Variants in HCRTR2 observed in about 807,000 individuals in gnomAD.
HCRTR2 encodes the protein orexin receptor type 2.
Under a neutral mutation model 49.0 loss-of-function variants are expected in HCRTR2, and 22 were observed. The observed-to-expected ratio is 0.45, with a 90% CI of 0.32 to 0.64. The LOEUF is 0.64. HCRTR2 is among the 30% of genes least tolerant of loss of function. The pLI is 0.04. For missense variants in HCRTR2, 491 were observed against 559.4 expected (o/e 0.88, Z 1.23); for synonymous variants, 236 against 205.3 (o/e 1.15, Z -1.28).
chr6:55,262,225 A>T (rs1009770796), intron 3 of HCRTR2, among the ~76,000 whole-genome samples: 2 of 151,040 alleles, frequency 1.3e-5, no homozygotes, highest in Non-Finnish European at 2.9e-5. Flanking sequence ...AGATTCATGT[A>T]ACCAAACACC....
chr6:55,123,751 G>A (rs13203126), intron 1 of HCRTR2, among the ~76,000 whole-genome samples: 1,670 of 152,158 alleles, frequency 0.011, 18 homozygotes, highest in South Asian at 0.022. Flanking sequence ...GAATCCATCT[G>A]GTCCTGCACT....
chr6:55,143,448 CA>C (rs927871853), intron 1 of HCRTR2, among the ~76,000 whole-genome samples: 12 of 152,220 alleles, frequency 7.9e-5, no homozygotes, highest in Admixed American at 7.9e-4. Context: ...AAGATTAAAA[CA>C]AAAATCAATT....
At chr6:55,213,905 CAAGGT>C (rs1449695948) in intron 1 of HCRTR2, among the ~76,000 whole-genome samples, 10 of 151,560 alleles carry the variant, frequency 6.6e-5, no homozygotes, top group African/African-American at 2.4e-4. Flanking sequence ...CCTTAACTCT[CAAGGT>C]TTTTTTCCTG....
chr6:55,121,771 T>C (rs909469562), intron 1 of HCRTR2, among the ~76,000 whole-genome samples: 4 of 152,208 alleles, frequency 2.6e-5, no homozygotes, highest in Non-Finnish European at 5.9e-5. Flanking sequence ...GTTTATTGAT[T>C]GGTGTATGTT....
intron 1 of HCRTR2, among the ~76,000 whole-genome samples, chr6:55,229,060 A>T (rs1247631977): frequency 6.6e-6 from 1 of 152,220 alleles, no homozygotes; most frequent in Non-Finnish European, 1.5e-5. Context: ...TGCAAATCAA[A>T]CCACAGAACC....
rs867580948 is a variant in HCRTR2, at chr6:55,248,726, C to T, written c.311C>T (p.Thr104Ile). ...VNLSLADVLV[T>I]ITCLPATLVV... Reference sequence around the variant, plus strand: ...CTTTCTCTGGCTGATGTGCTCGTGACCATCACCTGCCTTCCAGCCACACTG... The same window carrying T: ...CTTTCTCTGGCTGATGTGCTCGTGATCATCACCTGCCTTCCAGCCACACTG... Residue 104 changes from threonine to isoleucine, a missense_variant, in exon 2 of 7, where the codon ACC becomes ATC. Thr to Ile is a moderately conservative substitution (Grantham distance 89). Coordinates refer to ENST00000370862, the MANE Select transcript of HCRTR2 (RefSeq NM_001384272.1). 6.2e-7 allele frequency: 1 copy of T among 1,613,302 alleles called. No homozygotes were observed. Among genetic ancestry groups the T allele is most frequent in the Middle Eastern group, 1.7e-4 (1 of 6,052 alleles).
intron 6 of HCRTR2, among the ~76,000 whole-genome samples, chr6:55,281,583 A>T (rs1323064392): frequency 6.6e-6 from 1 of 152,216 alleles, no homozygotes; most frequent in Non-Finnish European, 1.5e-5. Flanking sequence ...AGAAGAAATG[A>T]TTCGCAATAC....
chr6:55,221,344 A>C (rs966934498), intron 1 of HCRTR2, among the ~76,000 whole-genome samples: 2 of 152,188 alleles, frequency 1.3e-5, no homozygotes, highest in African/African-American at 4.8e-5. Context: ...TGAACTTACA[A>C]ACCAGCATAG....
chr6:55,180,668 A>T (rs1765115922), intron 1 of HCRTR2, among the ~76,000 whole-genome samples: 1 of 152,196 alleles, frequency 6.6e-6, no homozygotes, highest in Non-Finnish European at 1.5e-5. Flanking sequence ...TGAGCCTGAG[A>T]GCCTAAACAC....
At chr6:55,255,061 A>G (rs1254930584) in intron 2 of HCRTR2, 75 bp from the exon 3 acceptor site, 2 of 1,522,604 alleles carry the variant, frequency 1.3e-6, no homozygotes, top group Non-Finnish European at 1.8e-6. Flanking sequence ...TACCTTTCTC[A>G]TATAGTAAAT....
Position 55,228,697 on chromosome 6 carries a change from C to T in HCRTR2, c.224-19942C>T, listed in dbSNP as rs1352239023. On this transcript the variant is annotated intron_variant, in intron 1 of 6. Transcript: ENST00000370862. ...CTTATTCAACTTTCTGTATTAAGTACCAAGAAATTTCTTAGGCAATTAGTA... is the reference window on the plus strand; with the variant it reads ...CTTATTCAACTTTCTGTATTAAGTATCAAGAAATTTCTTAGGCAATTAGTA... 2.0e-5 allele frequency among the ~76,000 whole-genome samples: 3 copies of T among 152,094 alleles called. No individual in the cohort carries two copies. In the East Asian group the frequency reaches 5.8e-4, roughly 29 times the overall value.
At chr6:55,120,680 C>A (rs770738304) in intron 1 of HCRTR2, among the ~76,000 whole-genome samples, 1 of 151,784 alleles carries the variant, frequency 6.6e-6, no homozygotes, top group Non-Finnish European at 1.5e-5. Context: ...TCTAAATATA[C>A]AATCATGTCA....
chr6:55,177,301 T>C (rs1485534273), intron 1 of HCRTR2, among the ~76,000 whole-genome samples: 1 of 152,198 alleles, frequency 6.6e-6, no homozygotes, highest in Non-Finnish European at 1.5e-5. Context: ...CTGAAATGCA[T>C]TCTTTTCTGA....
intron 2 of HCRTR2, among the ~76,000 whole-genome samples, chr6:55,249,907 G>A (rs982787556): frequency 8.6e-5 from 13 of 152,000 alleles, no homozygotes; most frequent in Admixed American, 5.9e-4. Flanking sequence ...CAGTCTCCCA[G>A]ATGGTGCCTA....
chr6:55,116,724 A>AAACAAAAC, intron 1 of HCRTR2, among the ~76,000 whole-genome samples: 1 of 144,230 alleles, frequency 6.9e-6, no homozygotes, highest in African/African-American at 2.5e-5. Flanking sequence ...AGAAAAAAAA[A>AAACAAAAC]AAAACTCTTA....
intron 1 of HCRTR2, among the ~76,000 whole-genome samples, chr6:55,138,179 A>G (rs747142147): frequency 2.6e-5 from 4 of 152,216 alleles, no homozygotes; most frequent in Non-Finnish European, 5.9e-5. Context: ...AGAAGCTTTA[A>G]GCTTTTAAGC....
At chr6:55,280,207 T>C in intron 5 of HCRTR2, 116 bp from the exon 6 acceptor site, 1 of 713,836 alleles carries the variant, frequency 1.4e-6, no homozygotes, top group Non-Finnish European at 2.5e-6. Flanking sequence ...AACCAATCTG[T>C]GGTCAATTCC....
chr6:55,271,645 T>C (rs1766975266), intron 4 of HCRTR2, among the ~76,000 whole-genome samples: 1 of 152,086 alleles, frequency 6.6e-6, no homozygotes, highest in African/African-American at 2.4e-5. Context: ...TGTTAAGGAA[T>C]TTGTATCCAG....
chr6:55,278,092 C>T (rs1767114479), intron 5 of HCRTR2, among the ~76,000 whole-genome samples: 1 of 152,098 alleles, frequency 6.6e-6, no homozygotes, highest in Non-Finnish European at 1.5e-5. Flanking sequence ...GCCATCAAGG[C>T]AGATATGTAT....
Sources: allele counts gnomAD v4.1 joint callset (sites outside exome capture counted in the v4.1 genomes callset), GRCh38; gene constraint gnomAD v4.1.1; transcripts MANE v1.5; gene names NCBI Gene and HGNC (gene_info 2026-07-23, HGNC 2026-07-21).